Variants in CHODL observed in about 807,000 individuals in gnomAD.
CHODL encodes the protein chondrolectin.
CHODL carries 29 observed loss-of-function variants against 34.5 expected under a neutral mutation model. That is an observed-to-expected ratio of 0.84 (90% confidence interval 0.63 to 1.15). CHODL has a LOEUF of 1.15. Ranked by LOEUF, CHODL falls within the 50% of genes most tolerant of loss-of-function variation. The pLI is 0.00. For missense variants in CHODL, 332 were observed against 332.5 expected (o/e 1.00, Z 0.01); for synonymous variants, 125 against 116.1 (o/e 1.08, Z -0.49).
rs1417065829 is a variant in CHODL at position 18,245,316 on chromosome 21, C to T, written c.79+14C>T. ...GCGTGGTCAGCGGTGAGTCAGGGGC[C>T]GTCTCCCCGAAGAACGAGCGGGGAG... On this transcript the variant is annotated intron_variant, in intron 1 of 5. Transcript: ENST00000299295. The T allele has an allele frequency of 2.0e-6, 3 of 1,514,674 alleles. No individual in the cohort carries two copies. In the Admixed American group the frequency reaches 6.1e-5, roughly 31 times the overall value. The allele number at this position is 1,514,674 out of a possible 1,614,324, so 93.8% of individuals were successfully genotyped here. A position where few individuals can be genotyped will look rare whatever the true frequency, so the allele number is the denominator to read the frequency against.
chr21:18,071,420 C>T (rs2064803609), intron 2 of CHODL, among the ~76,000 whole-genome samples: 1 of 152,084 alleles, frequency 6.6e-6, no homozygotes, highest in African/African-American at 2.4e-5. Flanking sequence ...GCTAGGATTA[C>T]AGGCATGAGT....
At position 18,267,302 on chromosome 21, in the gene CHODL, G is replaced by GT. The variant is rs1555888064; in HGVS notation, c.*1265dup. ...GCCTTGTTCTTCTCAAGAGAAAGTT[G>GT]TAACTCTCTGGTCTTCATATGTCCC... is the stretch of plus-strand genomic sequence containing the variant. On this transcript the variant is annotated 3_prime_UTR_variant, in exon 6 of 6. Coordinates refer to ENST00000299295, the MANE Select transcript of CHODL (RefSeq NM_024944.3). The GT allele has an allele frequency of 2.6e-5, 4 of 152,142 alleles. No individual in the cohort carries two copies. Among genetic ancestry groups the GT allele is most frequent in the African/African-American group, 9.7e-5 (4 of 41,434 alleles). The allele number at this position is 152,142 out of a possible 1,614,324, so 9.4% of individuals were successfully genotyped here.
chr21:18,027,667 G>T (rs1029857407), intron 1 of CHODL, among the ~76,000 whole-genome samples: 1 of 152,140 alleles, frequency 6.6e-6, no homozygotes, highest in Non-Finnish European at 1.5e-5. Flanking sequence ...CCCCCAGAGT[G>T]ATTTCAGTTT....
At chr21:17,947,982 T>A (rs1356734107) in intron 1 of CHODL, among the ~76,000 whole-genome samples, 3 of 152,080 alleles carry the variant, frequency 2.0e-5, no homozygotes, top group Non-Finnish European at 4.4e-5. Flanking sequence ...TAACAAACAA[T>A]GAAAATGTGT....
chr21:18,044,690 A>G lies in CHODL; in HGVS notation c.-45+16719A>G, dbSNP rs145117231. On this transcript the variant is annotated intron_variant, in intron 2 of 6. Coordinates refer to the CHODL transcript ENST00000400127. ...GATCGATTACAATATAGTTGATTAT[A>G]TACTCTTTTATGATATCAATAATAA... 3.4e-3 allele frequency among the ~76,000 whole-genome samples: 516 copies of G among 152,044 alleles called. 1 individual carries two copies. Among genetic ancestry groups the G allele is most frequent in the African/African-American group, 0.011 (475 of 41,516 alleles).
intron 1 of CHODL, among the ~76,000 whole-genome samples, chr21:17,917,815 A>C (rs115101957): frequency 6.9e-4 from 105 of 152,084 alleles, no homozygotes; most frequent in African/African-American, 2.5e-3. Context: ...AGCACACTGC[A>C]TGTTTTATCT....
At chr21:17,974,618 A>G (rs1238135838) in intron 1 of CHODL, among the ~76,000 whole-genome samples, 2 of 152,192 alleles carry the variant, frequency 1.3e-5, no homozygotes, top group Admixed American at 1.3e-4. Context: ...AATGTCTTTT[A>G]ACTATTGAAA....
At chr21:18,104,548 C>A (rs1390761774) in intron 2 of CHODL, among the ~76,000 whole-genome samples, 1 of 152,044 alleles carries the variant, frequency 6.6e-6, no homozygotes, top group Non-Finnish European at 1.5e-5. Flanking sequence ...TAAAATATAC[C>A]ATAGTCATAG....
intron 1 of CHODL, among the ~76,000 whole-genome samples, chr21:18,251,848 G>T (rs1043694627): frequency 1.3e-5 from 2 of 148,826 alleles, no homozygotes; most frequent in African/African-American, 4.9e-5. Context: ...TAAAAATTCA[G>T]TGCAATCTAT....
chr21:18,019,082 T>C (rs969292664), intron 1 of CHODL, among the ~76,000 whole-genome samples: 2 of 152,228 alleles, frequency 1.3e-5, no homozygotes, highest in African/African-American at 2.4e-5. Context: ...AAAATGATTA[T>C]TTGTAGAGTT....
At chr21:18,233,369 T>C (rs953594108) in intron 2 of CHODL, among the ~76,000 whole-genome samples, 41 of 152,102 alleles carry the variant, frequency 2.7e-4, no homozygotes, top group Admixed American at 2.0e-3. Flanking sequence ...GCTGTGTGTA[T>C]GACCTTGGGC....
At chr21:18,218,147 C>A (rs775280845) in intron 2 of CHODL, among the ~76,000 whole-genome samples, 2 of 152,202 alleles carry the variant, frequency 1.3e-5, no homozygotes, top group Admixed American at 6.5e-5. Flanking sequence ...AGGCAGCGCC[C>A]CAGTGGGGAC....
rs138691781 is a variant in CHODL at position 18,049,312 on chromosome 21, A to T, written c.-45+21341A>T. Among the ~76,000 whole-genome samples, 28 of 152,072 alleles carry T rather than the reference A, an allele frequency of 1.8e-4. No individual in the cohort carries two copies. In the East Asian group the frequency reaches 5.1e-3, roughly 27 times the overall value. ...TGATAAACTTTTTAGAAGTTTGCCAAACTCATGGGAAAATTTTAGAATGTA... is the reference window on the plus strand; with the variant it reads ...TGATAAACTTTTTAGAAGTTTGCCATACTCATGGGAAAATTTTAGAATGTA... On this transcript the variant is annotated intron_variant, in intron 2 of 6. Coordinates refer to the CHODL transcript ENST00000400127.
At chr21:18,100,887 C>A (rs563810173) in intron 2 of CHODL, among the ~76,000 whole-genome samples, 6 of 151,996 alleles carry the variant, frequency 3.9e-5, no homozygotes, top group African/African-American at 1.4e-4. Flanking sequence ...AGATTTTTTT[C>A]CCCCAGTTTG....
chr21:17,919,614 A>G (rs1010069420), intron 1 of CHODL, among the ~76,000 whole-genome samples: 9 of 152,118 alleles, frequency 5.9e-5, no homozygotes. Context: ...GCCACAAACC[A>G]CAAAGGTCTC....
chr21:18,159,559 G>A (rs755594970), intron 2 of CHODL, among the ~76,000 whole-genome samples: 7 of 152,250 alleles, frequency 4.6e-5, no homozygotes, highest in East Asian at 1.9e-4. Flanking sequence ...GATGATTTTC[G>A]AGAACTTTCT....
intron 2 of CHODL, among the ~76,000 whole-genome samples, chr21:18,139,910 A>G (rs1273110435): frequency 1.3e-5 from 2 of 152,128 alleles, no homozygotes; most frequent in Admixed American, 1.3e-4. Flanking sequence ...AATGACTCTA[A>G]ATATTTGAGA....
At chr21:17,946,229 A>G (rs2063407261) in intron 1 of CHODL, among the ~76,000 whole-genome samples, 2 of 152,202 alleles carry the variant, frequency 1.3e-5, no homozygotes, top group Admixed American at 6.5e-5. Flanking sequence ...CATCCTGGCT[A>G]ACATGGTGAA....
In CHODL at chr21:18,146,155, T is replaced by G. The variant is rs2072885370; in HGVS notation, c.-44-110354T>G. On this transcript the variant is annotated intron_variant, in intron 2 of 6. Transcript: ENST00000400127. The stretch of plus-strand genomic sequence containing the variant: ...GTTAATTTTTTTTTTTTTTTTGTAT[T>G]TTTAGTAGAGACGGGCTTTCACCGT... Among the ~76,000 whole-genome samples the G allele has an allele frequency of 5.4e-5, 8 of 148,994 alleles. No homozygotes were observed. The South Asian group carries it at 1.7e-3, about 32-fold the overall frequency.
Sources: allele counts gnomAD v4.1 joint callset (sites outside exome capture counted in the v4.1 genomes callset), GRCh38; gene constraint gnomAD v4.1.1; transcripts MANE v1.5; gene names NCBI Gene and HGNC (gene_info 2026-07-23, HGNC 2026-07-21).